AK5: variants seen among roughly 807,000 people sequenced by gnomAD.
The protein encoded by AK5 is adenylate kinase isoenzyme 5.
AK5 carries 27 observed loss-of-function variants against 69.5 expected under a neutral mutation model. That is an observed-to-expected ratio of 0.39 (90% CI 0.29 to 0.54). AK5 has a LOEUF of 0.54. AK5 is among the 20% of genes least tolerant of loss of function. The pLI, the probability that AK5 is intolerant of heterozygous loss-of-function variation, is 0.71. For missense variants in AK5, 531 were observed against 700.4 expected, an observed-to-expected ratio of 0.76 and a Z score of 2.73; for synonymous variants, 260 against 244.4, an observed-to-expected ratio of 1.06 and a Z score of -0.60.
chr1:77,465,275 C>A (rs1188096671), intron 8 of AK5, among the ~76,000 whole-genome samples: 2 of 151,856 alleles, frequency 1.3e-5, no homozygotes, highest in African/African-American at 4.8e-5. Context: ...AAGTTCACTG[C>A]AACATTCAGT....
At chr1:77,507,615 G>C (rs917189958) in intron 10 of AK5, among the ~76,000 whole-genome samples, 1 of 152,160 alleles carries the variant, frequency 6.6e-6, no homozygotes, top group Non-Finnish European at 1.5e-5. Flanking sequence ...CCTCTCATCT[G>C]CAAGAGAGAG....
chr1:77,558,575 ACTCT>A lies in AK5; in HGVS notation c.1621-24_1621-21del, dbSNP rs756612218. ...CATGATTTACAGATATTTCAGACTA[ACTCT>A]CTTTTTTTCCTTTTAAATATAGATA... is the stretch of plus-strand genomic sequence containing the variant. On this transcript the variant is annotated intron_variant, in intron 13 of 13. Transcript: ENST00000354567. 7.4e-6 allele frequency: 10 copies of A among 1,356,950 alleles called. No individual in the cohort carries two copies. In the African/African-American group the frequency reaches 1.1e-4, roughly 15 times the overall value. 84.1% of individuals were successfully genotyped at this position (1,356,950 alleles called of 1,614,324 possible).
Position 77,535,985 on chromosome 1 carries a change from C to A in AK5, c.1567C>A (p.Arg523=), listed in dbSNP as rs763224649. The change falls in exon 13 of 14, where the codon CGA becomes AGA. Residue 523 remains arginine, a synonymous_variant. Transcript: ENST00000354567. ...CGCCAAGCGCCTAGAAGCCTACTAC[C>A]GAGCGTCCATCCCCGTGATCGCCTA... ...TIAKRLEAYY[R]ASIPVIAYYE... is the part of the protein sequence containing the mutation. 9 of 1,613,976 alleles carry A rather than the reference C, an allele frequency of 5.6e-6. No homozygotes were observed. In the South Asian group the frequency reaches 9.9e-5, roughly 18 times the overall value.
intron 8 of AK5, among the ~76,000 whole-genome samples, chr1:77,473,620 C>CTATCACTAT (rs1358884627): frequency 1.3e-5 from 2 of 152,146 alleles, no homozygotes; most frequent in Admixed American, 1.3e-4. Flanking sequence ...TGTATCTTCT[C>CTATCACTAT]TATCACTATT....
intron 10 of AK5, among the ~76,000 whole-genome samples, chr1:77,489,917 T>C (rs933424486): frequency 1.3e-5 from 2 of 152,166 alleles, no homozygotes; most frequent in Non-Finnish European, 2.9e-5. Flanking sequence ...GCCCTTTCAC[T>C]TGAAATGTCT....
At chr1:77,366,321 C>A (rs1197989993) in intron 6 of AK5, among the ~76,000 whole-genome samples, 1 of 152,160 alleles carries the variant, frequency 6.6e-6, no homozygotes, top group Non-Finnish European at 1.5e-5. Flanking sequence ...AATATTTGGT[C>A]CAGTGCCTAG....
At chr1:77,350,686 G>GA (rs1298007949) in intron 6 of AK5, among the ~76,000 whole-genome samples, 9 of 152,154 alleles carry the variant, frequency 5.9e-5, no homozygotes, top group Non-Finnish European at 1.0e-4. Flanking sequence ...TTCTCTAAGG[G>GA]AAAATAGCAC....
intron 6 of AK5, among the ~76,000 whole-genome samples, chr1:77,350,435 GC>G (rs1348510007): frequency 6.6e-6 from 1 of 152,198 alleles, no homozygotes; most frequent in Non-Finnish European, 1.5e-5. Context: ...GAAGTGCTAG[GC>G]TAAGGAGGAA....
chr1:77,533,894 A>C (rs1012492950), intron 12 of AK5, among the ~76,000 whole-genome samples: 1 of 151,578 alleles, frequency 6.6e-6, no homozygotes, highest in African/African-American at 2.4e-5. Flanking sequence ...CTGGTGAACA[A>C]GGGTCATTTT....
At position 77,518,586 on chromosome 1, in the gene AK5, C is replaced by T. The variant is rs754427078; in HGVS notation, c.1170C>T (p.Gly390=). ...FIIGGPGSGK[G]TQCEKLVEKY... The stretch of plus-strand genomic sequence containing the variant: ...AAGGTGGTCCTGGCTCTGGCAAAGG[C>T]ACACAGTGTGAAAAGCTGGTGGAAA... The change falls in exon 11 of 14, where the codon GGC becomes GGT. Residue 390 remains glycine, a synonymous_variant. Transcript: ENST00000354567. The T allele has an allele frequency of 1.2e-6, 2 of 1,614,152 alleles. No homozygotes were observed. The highest frequency in any genetic ancestry group is 1.7e-6 in the Non-Finnish European group (2 of 1,180,010).
chr1:77,299,964 T>C (rs2100254555), intron 5 of AK5, among the ~76,000 whole-genome samples: 1 of 152,332 alleles, frequency 6.6e-6, no homozygotes, highest in East Asian at 1.9e-4. Flanking sequence ...AATATCTCAT[T>C]TTCAGCTCTT....
At chr1:77,376,795 A>C (rs1365585972) in intron 6 of AK5, among the ~76,000 whole-genome samples, 1 of 152,106 alleles carries the variant, frequency 6.6e-6, no homozygotes, top group African/African-American at 2.4e-5. Context: ...AAAAAAAATT[A>C]GCTGATCATC....
intron 5 of AK5, among the ~76,000 whole-genome samples, chr1:77,324,608 A>T (rs1570380077): frequency 6.6e-6 from 1 of 152,066 alleles, no homozygotes; most frequent in East Asian, 1.9e-4. Flanking sequence ...ACCCCCCAGG[A>T]TGTAGACCGC....
intron 6 of AK5, among the ~76,000 whole-genome samples, chr1:77,357,511 A>G (rs1291698388): frequency 6.6e-6 from 1 of 152,252 alleles, no homozygotes; most frequent in African/African-American, 2.4e-5. Flanking sequence ...GTGCTAAATA[A>G]TGACAAATAA....
rs1650003616 is a variant in AK5, at chr1:77,410,981, T to A, written c.892T>A (p.Phe298Ile). 1 of 1,613,462 alleles carries A rather than the reference T, an allele frequency of 6.2e-7. No individual in the cohort carries two copies. Among genetic ancestry groups the A allele is most frequent in the Admixed American group, 1.7e-5 (1 of 59,864 alleles). ...YFQEKGLIMT[F>I]DADRDEDEVF... ...ACTTGTCTGTCCTGATTTCCCCCAG[T>A]TTGATGCCGACCGCGATGAGGATGA... The change falls in exon 7 of 14, where the codon TTT becomes ATT. Residue 298 changes from phenylalanine (F) to isoleucine (I), a missense_variant and splice_region_variant. Coordinates refer to ENST00000354567, the MANE Select transcript of AK5 (RefSeq NM_174858.3).
At chr1:77,520,229 C>A (rs1273260146) in intron 11 of AK5, among the ~76,000 whole-genome samples, 3 of 150,000 alleles carry the variant, frequency 2.0e-5, no homozygotes, top group South Asian at 2.1e-4. Flanking sequence ...AAAGAGAATA[C>A]CTTAACCTTC....
At chr1:77,314,057 T>G (rs1660112620) in intron 5 of AK5, 2 of 364,834 alleles carry the variant, frequency 5.5e-6, no homozygotes, top group Admixed American at 3.7e-5. Context: ...TGAACATATA[T>G]TGAGAATTTG....
intron 5 of AK5, among the ~76,000 whole-genome samples, chr1:77,337,938 G>A (rs1441929940): frequency 1.3e-5 from 2 of 151,736 alleles, no homozygotes; most frequent in African/African-American, 4.8e-5. Flanking sequence ...AATTGAAGAC[G>A]AGACATCTGA....
In AK5 at chr1:77,343,645, G is replaced by A. The variant is rs192632079; in HGVS notation, c.891+3077G>A. ...AGGTTACTTATCTGCTCTGCAACTC[G>A]TATGCCTTACCTGTAAAATAGGTAT... is the stretch of plus-strand genomic sequence containing the variant. On this transcript the variant is annotated intron_variant, in intron 6 of 13. Coordinates refer to ENST00000354567, the MANE Select transcript of AK5 (RefSeq NM_174858.3). Among the ~76,000 whole-genome samples the A allele has an allele frequency of 9.3e-4, 142 of 152,260 alleles. 2 individuals are homozygous for A. Among genetic ancestry groups the A allele is most frequent in the Non-Finnish European group, 1.5e-3 (104 of 68,020 alleles).
Sources: gnomAD v4.1 joint callset for allele counts (sites outside exome capture counted in the v4.1 genomes callset) on GRCh38, gnomAD v4.1.1 for gene constraint, MANE v1.5 for transcripts, NCBI Gene and HGNC (gene_info 2026-07-23, HGNC 2026-07-21) for gene names.